SLCO2A1: variants seen among roughly 807,000 people sequenced by gnomAD.
The protein encoded by SLCO2A1 is matrin F/G 1.
In SLCO2A1, 60 loss-of-function variants were observed where a neutral mutation model predicts 71.7. That is an observed-to-expected ratio of 0.84 (90% CI 0.68 to 1.04). The LOEUF (loss-of-function observed/expected upper bound fraction) is 1.04, where lower values mean the gene tolerates loss of function less well. SLCO2A1 is among the 50% of genes least tolerant of loss of function. The pLI is 0.00. For missense variants in SLCO2A1, 745 were observed against 813.4 expected (o/e 0.92, Z 1.02); for synonymous variants, 308 against 326.7 (o/e 0.94, Z 0.62).
Position 133,955,036 on chromosome 3 carries a change from C to T in SLCO2A1, c.555G>A (p.Val185=), listed in dbSNP as rs1411744807. ...VAQLLAGIGT[V]PIQPFGISYV... ...AGGAGATCCCAAATGGCTGAATAGG[C>T]ACTGTCCCGATGCCAGCCAGCAGCT... Residue 185 remains valine (V), a synonymous_variant, in exon 4 of 14, where the codon GTG becomes GTA. Transcript: ENST00000310926. 2 of 1,614,188 alleles carry T rather than the reference C, an allele frequency of 1.2e-6. No individual in the cohort carries two copies. The highest frequency in any genetic ancestry group is 1.7e-6 in the Non-Finnish European group (2 of 1,180,034).
chr3:133,956,001 G>A (rs781320638), intron 3 of SLCO2A1, among the ~76,000 whole-genome samples: 4 of 152,212 alleles, frequency 2.6e-5, no homozygotes, highest in Non-Finnish European at 4.4e-5. Context: ...CTGGGCTGCC[G>A]CTTCCATGCC....
chr3:133,959,865 A>G (rs959571610), intron 3 of SLCO2A1, among the ~76,000 whole-genome samples: 1 of 152,064 alleles, frequency 6.6e-6, no homozygotes, highest in African/African-American at 2.4e-5. Flanking sequence ...TCATACCTGT[A>G]ATCCCAGCAC....
Position 133,947,450 on chromosome 3 carries a change from A to G in SLCO2A1, c.1106-5T>C. 1 of 1,608,770 alleles carries G rather than the reference A, an allele frequency of 6.2e-7. No homozygotes were observed. Among genetic ancestry groups the G allele is most frequent in the Non-Finnish European group, 8.5e-7 (1 of 1,177,252 alleles). On this transcript the variant is annotated splice_polypyrimidine_tract_variant and splice_region_variant and intron_variant, in intron 8 of 13. Transcript: ENST00000310926. ...CAGCAGGGAGGTTCACAGCACCTATAAGTGGAAAGAAGGAGGTGATCCAGG... is the reference window on the plus strand; with the variant it reads ...CAGCAGGGAGGTTCACAGCACCTATGAGTGGAAAGAAGGAGGTGATCCAGG...
intron 1 of SLCO2A1, among the ~76,000 whole-genome samples, chr3:133,997,030 A>T (rs1459598869): frequency 6.6e-6 from 1 of 152,138 alleles, no homozygotes; most frequent in African/African-American, 2.4e-5. Context: ...GGATCATAAG[A>T]GGGTCACATA....
At chr3:133,992,483 G>A (rs1247418264) in intron 1 of SLCO2A1, among the ~76,000 whole-genome samples, 1 of 152,242 alleles carries the variant, frequency 6.6e-6, no homozygotes, top group Non-Finnish European at 1.5e-5. Context: ...AGGCAGAAGA[G>A]GGCAGGTCCC....
intron 1 of SLCO2A1, among the ~76,000 whole-genome samples, chr3:134,019,204 C>T (rs529381615): frequency 6.6e-6 from 1 of 152,306 alleles, no homozygotes; most frequent in South Asian, 2.1e-4. Context: ...ATACCTGGTT[C>T]CTCTATAGTC....
chr3:133,999,397 A>G (rs1466019972), intron 1 of SLCO2A1, among the ~76,000 whole-genome samples: 4 of 152,174 alleles, frequency 2.6e-5, no homozygotes, highest in African/African-American at 9.7e-5. Context: ...TTTTGCCCAG[A>G]AGGAACATTT....
At chr3:134,005,190 G>A (rs1032124300) in intron 1 of SLCO2A1, among the ~76,000 whole-genome samples, 4 of 152,094 alleles carry the variant, frequency 2.6e-5, no homozygotes, top group African/African-American at 9.7e-5. Flanking sequence ...CTGTATATTC[G>A]TCCCTCGTCA....
At chr3:133,945,837 GT>G (rs1933559980) in intron 9 of SLCO2A1, among the ~76,000 whole-genome samples, 1 of 152,154 alleles carries the variant, frequency 6.6e-6, no homozygotes. Flanking sequence ...ACAAACCACT[GT>G]CCAGATATTT....
At chr3:134,013,702 G>T (rs1935386804) in intron 1 of SLCO2A1, among the ~76,000 whole-genome samples, 1 of 152,200 alleles carries the variant, frequency 6.6e-6, no homozygotes, top group African/African-American at 2.4e-5. Context: ...ATCTGGGAGA[G>T]CCAAGTTAGA....
intron 1 of SLCO2A1, among the ~76,000 whole-genome samples, chr3:134,026,734 T>C (rs1243740616): frequency 2.0e-5 from 3 of 152,164 alleles, no homozygotes. Context: ...CCTATCAAAA[T>C]AGATTAGCTC....
intron 1 of SLCO2A1, among the ~76,000 whole-genome samples, chr3:134,026,099 C>G (rs1299217415): frequency 6.6e-6 from 1 of 151,998 alleles, no homozygotes; most frequent in Non-Finnish European, 1.5e-5. Flanking sequence ...GAAGAATCAC[C>G]CTGATAATTT....
At chr3:134,017,139 C>G (rs1452821311) in intron 1 of SLCO2A1, among the ~76,000 whole-genome samples, 1 of 152,080 alleles carries the variant, frequency 6.6e-6, no homozygotes, top group African/African-American at 2.4e-5. Flanking sequence ...GGTGGTTACA[C>G]AAATCTTCAT....
intron 3 of SLCO2A1, among the ~76,000 whole-genome samples, chr3:133,971,790 C>T (rs1934334236): frequency 6.6e-6 from 1 of 152,204 alleles, no homozygotes; most frequent in Admixed American, 6.5e-5. Context: ...AAACCACAGC[C>T]ACTTTCCACA....
chr3:133,948,288 A>G (rs60918505), intron 8 of SLCO2A1, among the ~76,000 whole-genome samples: 1 of 152,264 alleles, frequency 6.6e-6, no homozygotes, highest in East Asian at 1.9e-4. Flanking sequence ...CAGCCCCTTT[A>G]CAGGGAGGAA....
In SLCO2A1 at chr3:134,007,458, T is replaced by C. The variant is rs1012372701; in HGVS notation, c.96+22249A>G. Among the ~76,000 whole-genome samples the C allele has an allele frequency of 3.3e-5, 5 of 152,348 alleles. No homozygotes were observed. In the East Asian group the frequency reaches 9.6e-4, roughly 29 times the overall value. ...GAGTTTTATAGTTTTAGGTCTTACA[T>C]TTAGATCTTTTATTCATTTGAAGTT... On this transcript the variant is annotated intron_variant, in intron 1 of 13. Coordinates refer to ENST00000310926, the MANE Select transcript of SLCO2A1 (RefSeq NM_005630.3).
chr3:133,998,616 G>GA (rs1453460659), intron 1 of SLCO2A1: 1 of 152,264 alleles, frequency 6.6e-6, no homozygotes, highest in Non-Finnish European at 1.5e-5. Context: ...CACACAAACT[G>GA]AAGGGGCCTT....
At chr3:133,995,741 CACAA>C (rs1934951011) in intron 1 of SLCO2A1, among the ~76,000 whole-genome samples, 1 of 152,218 alleles carries the variant, frequency 6.6e-6, no homozygotes, top group African/African-American at 2.4e-5. Context: ...TAATCTTCTC[CACAA>C]ACAATGACGA....
intron 1 of SLCO2A1, among the ~76,000 whole-genome samples, chr3:134,027,671 T>G (rs1048882930): frequency 2.6e-5 from 4 of 152,208 alleles, no homozygotes; most frequent in African/African-American, 7.2e-5. Context: ...TCCCAAGATA[T>G]GTGCAACCCA....
Sources: allele counts gnomAD v4.1 joint callset (sites outside exome capture counted in the v4.1 genomes callset), GRCh38; gene constraint gnomAD v4.1.1; transcripts MANE v1.5; gene names NCBI Gene and HGNC (gene_info 2026-07-23, HGNC 2026-07-21).